The following SULT6B1 variants were observed in gnomAD, a reference collection of about 807,000 sequenced individuals.
The protein encoded by SULT6B1 is sulfotransferase 6B1.
Under a neutral mutation model 37.2 loss-of-function variants are expected in SULT6B1, and 44 were observed. The observed-to-expected ratio is 1.18, with a 90% CI of 0.93 to 1.52. The LOEUF (loss-of-function observed/expected upper bound fraction) is 1.52. Ranked by LOEUF, SULT6B1 falls within the 40% of genes most tolerant of loss-of-function variation. The pLI, the probability that SULT6B1 is intolerant of heterozygous loss-of-function variation, is 0.00. For synonymous variants in SULT6B1, 140 were observed against 126.0 expected (o/e 1.11, Z -0.74); for missense variants, 450 against 361.0 (o/e 1.25, Z -2.00).
chr2:37,168,482 T>C (rs1441449476), intron 6 of SULT6B1, among the ~76,000 whole-genome samples: 1 of 152,188 alleles, frequency 6.6e-6, no homozygotes, highest in Non-Finnish European at 1.5e-5. Context: ...TAAAACCTAA[T>C]GTGATTTCTG....
intron 2 of SULT6B1, 106 bp from the exon 3 acceptor site, chr2:37,183,620 C>G (rs1244814620): frequency 1.3e-6 from 1 of 778,714 alleles, no homozygotes; most frequent in East Asian, 2.6e-5. Context: ...TCTAGCACTA[C>G]TGTCACTATA....
intron 3 of SULT6B1, among the ~76,000 whole-genome samples, chr2:37,182,721 C>G (rs1440976800): frequency 2.0e-5 from 3 of 151,730 alleles, no homozygotes; most frequent in African/African-American, 7.3e-5. Context: ...AGAGGGGAGA[C>G]CAGGAGAGAG....
chr2:37,169,102 T>A (rs1256874667), intron 6 of SULT6B1, among the ~76,000 whole-genome samples: 1 of 152,240 alleles, frequency 6.6e-6, no homozygotes, highest in Non-Finnish European at 1.5e-5. Flanking sequence ...CTTTATGAAT[T>A]TTCTACAGGG....
At chr2:37,189,824 C>T (rs946978055), upstream of SULT6B1, 3 of 152,184 alleles carry the variant, frequency 2.0e-5, no homozygotes, top group African/African-American at 7.2e-5. Flanking sequence ...TTGGTGTGGC[C>T]CTGTGGCTAA....
intron 5 of SULT6B1, among the ~76,000 whole-genome samples, 184 bp from the exon 6 acceptor site, chr2:37,171,774 T>C (rs1264293988): frequency 3.3e-5 from 5 of 152,210 alleles, no homozygotes; most frequent in Non-Finnish European, 7.3e-5. Context: ...AGATATTCTG[T>C]ATTGATTATA....
intron 3 of SULT6B1, among the ~76,000 whole-genome samples, chr2:37,182,393 A>G (rs750149004): frequency 3.9e-5 from 6 of 152,090 alleles, no homozygotes; most frequent in Non-Finnish European, 7.3e-5. Flanking sequence ...AGCTGAGATT[A>G]CAGGCACGTG....
Position 37,171,518 on chromosome 2 carries a change from T to G in SULT6B1, c.697A>C (p.Ile233Leu). ...FFLTGEQIQT[I>L]SVQSTFQAMR... Reference sequence around the variant, plus strand: ...GCTTGGAAGGTGCTCTGGACTGAGATAGTTTGAATTTGCTCCCCAGTTAGA... The same window carrying G: ...GCTTGGAAGGTGCTCTGGACTGAGAGAGTTTGAATTTGCTCCCCAGTTAGA... The change falls in exon 6 of 7, where the codon ATC (isoleucine) becomes CTC (leucine). Residue 233 changes from isoleucine (I) to leucine (L), a missense_variant. Physicochemically the swap from Ile to Leu is conservative, Grantham distance 5. Coordinates refer to ENST00000535679, the MANE Select transcript of SULT6B1 (RefSeq NM_001367551.1). 1 of 1,614,150 alleles carries G rather than the reference T, an allele frequency of 6.2e-7. No individual in the cohort carries two copies. The highest frequency in any genetic ancestry group is 8.5e-7 in the Non-Finnish European group (1 of 1,180,016).
At chr2:37,192,422 A>T (rs944969321), upstream of SULT6B1, among the ~76,000 whole-genome samples, 4 of 152,172 alleles carry the variant, frequency 2.6e-5, no homozygotes, top group African/African-American at 9.7e-5. Flanking sequence ...ATGTAGGTGA[A>T]TATTTATTTT....
chr2:37,183,658 T>C (rs1011489274), intron 2 of SULT6B1, 144 bp from the exon 3 acceptor site: 12 of 636,324 alleles, frequency 1.9e-5, no homozygotes, highest in Non-Finnish European at 3.3e-5. Context: ...AATTTTTCTT[T>C]TTTGAAACAG....
rs1437054719 is a variant in SULT6B1 at position 37,187,407 on chromosome 2, T to C, written c.260A>G (p.Tyr87Cys). 6.2e-6 allele frequency: 10 copies of C among 1,609,208 alleles called. No individual in the cohort carries two copies. The highest frequency in any genetic ancestry group is 3.3e-5 in the Admixed American group (2 of 59,926). The change falls in exon 2 of 7, where the codon TAT becomes TGT. Residue 87 changes from tyrosine to cysteine, a missense_variant. Coordinates refer to ENST00000535679, the MANE Select transcript of SULT6B1 (RefSeq NM_001367551.1). ...AAGAACTGGGAATTCTGGATATTTA[T>C]ACTTTTTTTTAGAAACAGCATATAT... ...ELIYAVSKKKYKYPEFPVLEC... is the reference protein window; with the variant it reads ...ELIYAVSKKKCKYPEFPVLEC...
At chr2:37,195,250 C>G (rs921445339) in intron 1 of SULT6B1, among the ~76,000 whole-genome samples, 1 of 151,912 alleles carries the variant, frequency 6.6e-6, no homozygotes, top group Non-Finnish European at 1.5e-5. Context: ...GCACCAAGCC[C>G]CAATAGCTTT....
upstream of SULT6B1, among the ~76,000 whole-genome samples, chr2:37,193,348 A>C (rs186748725): frequency 3.0e-3 from 459 of 151,464 alleles, no homozygotes; most frequent in African/African-American, 0.01. Flanking sequence ...TGTAGTCCCA[A>C]CTACTTGGGA....
chr2:37,172,642 G>A (rs1445325244), intron 5 of SULT6B1, among the ~76,000 whole-genome samples: 60 of 151,674 alleles, frequency 4.0e-4, no homozygotes, highest in Admixed American at 3.9e-3. Context: ...TGAGTAGCTG[G>A]GATTAGAGGT....
Position 37,175,227 on chromosome 2 carries a change from C to G in SULT6B1, c.530-1G>C. 1 of 1,562,080 alleles carries G rather than the reference C, an allele frequency of 6.4e-7. No homozygotes were observed. Among genetic ancestry groups the G allele is most frequent in the Non-Finnish European group, 8.7e-7 (1 of 1,148,002 alleles). The stretch of plus-strand genomic sequence containing the variant: ...AAATCAAAATACCTTCCCCAAGAAA[C>G]TAAAAACACAGGGGGGAAGACTTTA... On this transcript the variant is annotated splice_acceptor_variant, in intron 4 of 6. Coordinates refer to ENST00000535679, the MANE Select transcript of SULT6B1 (RefSeq NM_001367551.1). LOFTEE classifies it high-confidence loss of function.
intron 2 of SULT6B1, among the ~76,000 whole-genome samples, chr2:37,186,651 G>T (rs1650990512): frequency 6.6e-6 from 1 of 152,092 alleles, no homozygotes; most frequent in Admixed American, 6.5e-5. Flanking sequence ...CAGCACTTTG[G>T]GAGGCCGAGG....
At chr2:37,187,900 A>T (rs924464520) in intron 1 of SULT6B1, among the ~76,000 whole-genome samples, 1 of 152,214 alleles carries the variant, frequency 6.6e-6, no homozygotes, top group Non-Finnish European at 1.5e-5. Context: ...GCTTTAGTAA[A>T]CAACAGTAGA....
At chr2:37,188,388 C>T in intron 1 of SULT6B1, 54 bp downstream of exon 1, 2 of 1,496,056 alleles carry the variant, frequency 1.3e-6, no homozygotes, top group African/African-American at 1.4e-5. Context: ...CTCATACCCT[C>T]CCCAACCTAC....
At chr2:37,192,424 A>G (rs560098219), upstream of SULT6B1, among the ~76,000 whole-genome samples, 1 of 152,288 alleles carries the variant, frequency 6.6e-6, no homozygotes, top group Non-Finnish European at 1.5e-5. Context: ...GTAGGTGAAT[A>G]TTTATTTTTT....
intron 2 of SULT6B1, among the ~76,000 whole-genome samples, chr2:37,185,008 T>C (rs1240632808): frequency 6.6e-6 from 1 of 152,254 alleles, no homozygotes; most frequent in South Asian, 2.1e-4. Flanking sequence ...ATTTTCATGC[T>C]CATTCACAAC....
Sources: gnomAD v4.1 joint callset for allele counts (sites outside exome capture counted in the v4.1 genomes callset) on GRCh38, gnomAD v4.1.1 for gene constraint, MANE v1.5 for transcripts, NCBI Gene and HGNC (gene_info 2026-07-23, HGNC 2026-07-21) for gene names.